Variants in ANKRD16 observed in about 807,000 individuals in gnomAD.
ANKRD16 encodes the protein ankyrin repeat domain 16, also known as ankyrin repeat domain-containing protein 16.
Under a neutral mutation model 37.9 loss-of-function variants are expected in ANKRD16, and 35 were observed. That is an observed-to-expected ratio of 0.92 (90% CI 0.71 to 1.23). The LOEUF (loss-of-function observed/expected upper bound fraction) is 1.23, where lower values mean the gene tolerates loss of function less well. ANKRD16 is among the 50% of genes most tolerant of loss of function. ANKRD16 has a pLI of 0.00. For missense variants in ANKRD16, 480 were observed against 469.9 expected (o/e 1.02, Z -0.20); for synonymous variants, 206 against 197.2 (o/e 1.04, Z -0.37).
At chr10:5,872,810 C>T (rs558947597) in intron 7 of ANKRD16, among the ~76,000 whole-genome samples, 48 of 151,910 alleles carry the variant, frequency 3.2e-4, no homozygotes, top group African/African-American at 1.0e-3. Context: ...CCCCCCTTGG[C>T]CTCCCAAAGT....
At chr10:5,873,615 G>C (rs1002787526) in intron 7 of ANKRD16, among the ~76,000 whole-genome samples, 4 of 152,070 alleles carry the variant, frequency 2.6e-5, no homozygotes, top group East Asian at 1.9e-4. Context: ...AGATTAAAAG[G>C]GACATTTTTC....
chr10:5,887,549 A>AT (rs1429517155), intron 2 of ANKRD16, among the ~76,000 whole-genome samples: 1 of 152,044 alleles, frequency 6.6e-6, no homozygotes. Context: ...CGCCCGGCTA[A>AT]TTTTTTGTAT....
In ANKRD16 at chr10:5,866,540, T is replaced by C. The variant is rs113069586; in HGVS notation, c.*34-3849A>G. The stretch of plus-strand genomic sequence containing the variant: ...TGTGTATACAGATAGCAAGTATGCT[T>C]ATCTAATCCTACATGCCCATGCTGC... On this transcript the variant is annotated intron_variant, in intron 7 of 7. Coordinates refer to ENST00000380094, the MANE Select transcript of ANKRD16 (RefSeq NM_019046.3). This position sits in a 1 kb window ranked among gnomAD's most constrained non-coding sequence, Gnocchi z 4.3. Among the ~76,000 whole-genome samples the C allele has an allele frequency of 0.026, 3,979 of 152,318 alleles. 163 individuals are homozygous for C. The highest frequency in any genetic ancestry group is 0.09 in the African/African-American group (3,733 of 41,544).
chr10:5,873,316 C>T (rs1209098929), intron 7 of ANKRD16, among the ~76,000 whole-genome samples: 2 of 152,164 alleles, frequency 1.3e-5, no homozygotes, highest in African/African-American at 4.8e-5. Flanking sequence ...AGGCATGAGC[C>T]ACCGTCCCCA....
chr10:5,862,611 T>C lies in ANKRD16; in HGVS notation c.*114A>G, dbSNP rs1259130217. On this transcript the variant is annotated 3_prime_UTR_variant, in exon 8 of 8. Transcript: ENST00000380094. This position sits in a 1 kb window ranked among gnomAD's most constrained non-coding sequence, Gnocchi z 6.5. ...CGTAGGTGGCTGCGGTTGGTTGAACTCAGGTTCAGGATGACTGAAGCAAGT... is the reference window on the plus strand; with the variant it reads ...CGTAGGTGGCTGCGGTTGGTTGAACCCAGGTTCAGGATGACTGAAGCAAGT... 7.8e-7 allele frequency: 1 copy of C among 1,289,148 alleles called. No homozygotes were observed. The highest frequency in any genetic ancestry group is 1.0e-6 in the Non-Finnish European group (1 of 988,852). The allele number at this position is 1,289,148 out of a possible 1,614,324, so 79.9% of individuals were successfully genotyped here.
At chr10:5,881,438 T>TTATAAAAAAATATATATATA (rs1422263395) in intron 5 of ANKRD16, among the ~76,000 whole-genome samples, 1 of 51,026 alleles carries the variant, frequency 2.0e-5, no homozygotes, top group Non-Finnish European at 3.8e-5. Context: ...AAAATATTAT[T>TTATAAAAAAATATATATATA]TATATATATA....
chr10:5,875,781 C>T (rs1307712011), intron 7 of ANKRD16, among the ~76,000 whole-genome samples: 2 of 150,430 alleles, frequency 1.3e-5, no homozygotes, highest in Admixed American at 6.6e-5. Flanking sequence ...AGTGCAATCT[C>T]GGCTCACTGC....
In ANKRD16 at chr10:5,883,994, G is replaced by A. The variant is rs1208378990; in HGVS notation, c.662C>T (p.Ala221Val). 1 of 1,613,978 alleles carries A rather than the reference G, an allele frequency of 6.2e-7. No homozygotes were observed. The highest frequency in any genetic ancestry group is 2.2e-5 in the East Asian group (1 of 44,888). Residue 221 changes from alanine (A) to valine (V), a missense_variant, in exon 4 of 8, where the codon GCT (alanine) becomes GTT (valine). Coordinates refer to ENST00000380094, the MANE Select transcript of ANKRD16 (RefSeq NM_019046.3). ...CCCATGTTCATCGAGGAGCAGCCTA[G>A]CGACGTCGATGTGCCCACACTGGAT... is the stretch of plus-strand genomic sequence containing the variant. ...DAIQCGHIDVARLLLDEHGAC... is the reference protein window; with the variant it reads ...DAIQCGHIDVVRLLLDEHGAC...
At chr10:5,872,585 C>G (rs1300290305) in intron 7 of ANKRD16, among the ~76,000 whole-genome samples, 1 of 152,140 alleles carries the variant, frequency 6.6e-6, no homozygotes, top group Non-Finnish European at 1.5e-5. Flanking sequence ...GAGATGGAAT[C>G]TCACTCTGTT....
Position 5,889,157 on chromosome 10 carries a change from G to A in ANKRD16, c.198C>T (p.Ala66=). 6.3e-7 allele frequency: 1 copy of A among 1,598,504 alleles called. No homozygotes were observed. The highest frequency in any genetic ancestry group is 8.5e-7 in the Non-Finnish European group (1 of 1,179,438). ...GAGGCCGCTTGTAGTCTCGGTTGGT[G>A]GCCTCGATGTCCATGCCCCAGGCCT... ...LAEAWGMDIE[A]TNRDYKRPLH... The change falls in exon 1 of 8, where the codon GCC becomes GCT. Residue 66 remains alanine, a synonymous_variant. Transcript: ENST00000380094.
chr10:5,874,456 T>A lies in ANKRD16; in HGVS notation c.*33+3641A>T, dbSNP rs1842155266. 6.6e-6 allele frequency among the ~76,000 whole-genome samples: 1 copy of A among 152,094 alleles called. No homozygotes were observed. Among genetic ancestry groups the A allele is most frequent in the African/African-American group, 2.4e-5 (1 of 41,406 alleles). ...TATTTAAGACATGGCTGCCACTCTC[T>A]AGGAGGAGAGTGAGAGAGCTTGGGC... On this transcript the variant is annotated intron_variant, in intron 7 of 7. Transcript: ENST00000380094. The surrounding 1 kb of genome is among the most constrained non-coding windows in gnomAD (Gnocchi z 4.7).
chr10:5,866,920 CAG>C lies in ANKRD16; in HGVS notation c.*34-4231_*34-4230del, dbSNP rs1353416998. Among the ~76,000 whole-genome samples the C allele has an allele frequency of 2.0e-5, 3 of 151,078 alleles. No individual in the cohort carries two copies. The highest frequency in any genetic ancestry group is 6.6e-5 in the Admixed American group (1 of 15,178). ...CAAAGAAGAGTCAGAGAGAGAGAAA[CAG>C]AAAGTCAAAGAAAGAGAGGGAGAGA... On this transcript the variant is annotated intron_variant, in intron 7 of 7. Coordinates refer to ENST00000380094, the MANE Select transcript of ANKRD16 (RefSeq NM_019046.3). The surrounding 1 kb of genome is among the most constrained non-coding windows in gnomAD (Gnocchi z 4.3).
intron 3 of ANKRD16, among the ~76,000 whole-genome samples, chr10:5,884,469 G>A (rs981447457): frequency 2.0e-5 from 3 of 152,156 alleles, no homozygotes; most frequent in African/African-American, 7.2e-5. Flanking sequence ...AGTGGCTCAC[G>A]ACTGTAATCC....
rs1430120445 is a variant in ANKRD16 at position 5,878,574 on chromosome 10, C to A, written c.929-287G>T. 1.3e-5 allele frequency among the ~76,000 whole-genome samples: 2 copies of A among 151,370 alleles called. No homozygotes were observed. The highest frequency in any genetic ancestry group is 2.9e-5 in the Non-Finnish European group (2 of 67,906). ...CAGCACTCTGGGAGGCTGAGGTAGG[C>A]AGATCATGAGGTCAAGAGTGTGAGA... On this transcript the variant is annotated intron_variant, in intron 6 of 7. Transcript: ENST00000380094. This position sits in a 1 kb window ranked among gnomAD's most constrained non-coding sequence, Gnocchi z 5.1.
intron 7 of ANKRD16, among the ~76,000 whole-genome samples, chr10:5,875,975 C>T (rs1240067841): frequency 4.6e-5 from 7 of 152,132 alleles, no homozygotes; most frequent in South Asian, 2.1e-4. Flanking sequence ...CCTCCGCCTC[C>T]GGAGTTAAAG....
At position 5,866,950 on chromosome 10, in the gene ANKRD16, AAG is replaced by A. The variant is rs974645522; in HGVS notation, c.*34-4261_*34-4260del. Among the ~76,000 whole-genome samples, 4 of 152,146 alleles carry A rather than the reference AAG, an allele frequency of 2.6e-5. No individual in the cohort carries two copies. The highest frequency in any genetic ancestry group is 6.5e-5 in the Admixed American group (1 of 15,270). ...AGTCAAAGAAAGAGAGGGAGAGACA[AAG>A]AGGGAGTCAGAAGGAGAGAGAAAGA... On this transcript the variant is annotated intron_variant, in intron 7 of 7. Coordinates refer to ENST00000380094, the MANE Select transcript of ANKRD16 (RefSeq NM_019046.3). This position sits in a 1 kb window ranked among gnomAD's most constrained non-coding sequence, Gnocchi z 4.3.
Position 5,865,368 on chromosome 10 carries a change from C to G in ANKRD16, c.*34-2677G>C, listed in dbSNP as rs540455621. Among the ~76,000 whole-genome samples the G allele has an allele frequency of 6.6e-6, 1 of 152,330 alleles. No homozygotes were observed. The highest frequency in any genetic ancestry group is 2.1e-4 in the South Asian group (1 of 4,826). ...CAACCAGATGATCCAACAACAGGAC[C>G]GAGGGTGCCCAGGGCAAGCGCCAGC... On this transcript the variant is annotated intron_variant, in intron 7 of 7. Transcript: ENST00000380094. This position sits in a 1 kb window ranked among gnomAD's most constrained non-coding sequence, Gnocchi z 4.7.
At chr10:5,880,016 A>G (rs1842262083) in intron 6 of ANKRD16, among the ~76,000 whole-genome samples, 1 of 151,712 alleles carries the variant, frequency 6.6e-6, no homozygotes, top group Admixed American at 6.6e-5. Context: ...AAAATTAGCC[A>G]GGCATGGTGG....
chr10:5,885,645 A>G, intron 3 of ANKRD16, 78 bp downstream of exon 3: 1 of 1,497,730 alleles, frequency 6.7e-7, no homozygotes, highest in Non-Finnish European at 9.2e-7. Context: ...AATGTGTCTG[A>G]GCTCTTTATG....
Sources: allele counts gnomAD v4.1 joint callset (sites outside exome capture counted in the v4.1 genomes callset), GRCh38; gene constraint gnomAD v4.1.1; non-coding constraint Gnocchi (gnomAD v3.1); transcripts MANE v1.5; gene names NCBI Gene and HGNC (gene_info 2026-07-23, HGNC 2026-07-21).